Variants in AGBL4 observed in about 807,000 individuals in gnomAD.
AGBL4 encodes the protein AGBL carboxypeptidase 4, also known as cytosolic carboxypeptidase 6.
AGBL4 carries 58 observed loss-of-function variants against 66.4 expected under a neutral mutation model. The ratio of observed to expected loss-of-function variants is 0.87; its 90% CI spans 0.71 to 1.09. The LOEUF is 1.09. AGBL4 is among the 50% of genes least tolerant of loss of function. The probability of loss-of-function intolerance (pLI) is 0.00; values close to 1 mark genes in which losing one functional copy is unlikely to be tolerated. For synonymous variants in AGBL4, 234 were observed against 222.9 expected (o/e 1.05, Z -0.44); for missense variants, 579 against 631.0 (o/e 0.92, Z 0.88).
At chr1:48,791,243 G>C (rs991411822) in intron 6 of AGBL4, among the ~76,000 whole-genome samples, 1 of 152,032 alleles carries the variant, frequency 6.6e-6, no homozygotes, top group Admixed American at 6.5e-5. Flanking sequence ...ATTCATCCTC[G>C]GGCATTAGCT....
intron 3 of AGBL4, among the ~76,000 whole-genome samples, chr1:49,461,302 C>A (rs1646505872): frequency 6.6e-6 from 1 of 151,260 alleles, no homozygotes; most frequent in African/African-American, 2.4e-5. Context: ...ATTTAAAATT[C>A]TTTTTTTGTC....
chr1:48,710,008 C>T (rs991104549), intron 6 of AGBL4, among the ~76,000 whole-genome samples: 1 of 152,122 alleles, frequency 6.6e-6, no homozygotes, highest in Non-Finnish European at 1.5e-5. Flanking sequence ...GGATGAGGAA[C>T]CAGAGGCACA....
intron 6 of AGBL4, among the ~76,000 whole-genome samples, chr1:48,848,506 C>G (rs1027805000): frequency 2.0e-5 from 3 of 152,032 alleles, no homozygotes; most frequent in Non-Finnish European, 4.4e-5. Context: ...TGCATTTGAC[C>G]TTTTTATAGG....
At chr1:48,997,592 T>G (rs1007740929) in intron 5 of AGBL4, among the ~76,000 whole-genome samples, 1 of 152,170 alleles carries the variant, frequency 6.6e-6, no homozygotes, top group African/African-American at 2.4e-5. Flanking sequence ...TGAATCTTCT[T>G]AACTCAAGAG....
At chr1:48,783,108 A>C (rs1645335109) in intron 6 of AGBL4, among the ~76,000 whole-genome samples, 1 of 152,084 alleles carries the variant, frequency 6.6e-6, no homozygotes, top group Non-Finnish European at 1.5e-5. Flanking sequence ...ACATTTTTTA[A>C]ATTTTCCTAT....
intron 1 of AGBL4, among the ~76,000 whole-genome samples, chr1:49,912,972 T>C (rs765786098): frequency 6.6e-6 from 1 of 152,232 alleles, no homozygotes; most frequent in Non-Finnish European, 1.5e-5. Context: ...TGGTCCCCGC[T>C]CTTAACACTG....
At chr1:49,934,860 G>A (rs1203542878) in intron 1 of AGBL4, among the ~76,000 whole-genome samples, 2 of 151,634 alleles carry the variant, frequency 1.3e-5, no homozygotes, top group African/African-American at 2.4e-5. Context: ...CAGCCAAGAT[G>A]GCCGAATAGG....
At chr1:49,584,773 A>G (rs972070768) in intron 3 of AGBL4, among the ~76,000 whole-genome samples, 2 of 152,236 alleles carry the variant, frequency 1.3e-5, no homozygotes, top group African/African-American at 4.8e-5. Context: ...TGCCTTTATC[A>G]GGACTACACT....
At chr1:48,959,259 C>G (rs890729531) in intron 5 of AGBL4, among the ~76,000 whole-genome samples, 14 of 152,108 alleles carry the variant, frequency 9.2e-5, no homozygotes, top group Non-Finnish European at 1.9e-4. Flanking sequence ...CATGGCTTTC[C>G]TGATGAATAA....
chr1:48,898,373 T>A (rs1370996473), intron 5 of AGBL4, among the ~76,000 whole-genome samples: 2 of 152,208 alleles, frequency 1.3e-5, no homozygotes, highest in Non-Finnish European at 2.9e-5. Context: ...AAAGAAAATC[T>A]TTTGCCCAGA....
intron 6 of AGBL4, among the ~76,000 whole-genome samples, chr1:48,671,434 T>C (rs974147598): frequency 2.0e-5 from 3 of 152,196 alleles, no homozygotes; most frequent in Non-Finnish European, 4.4e-5. Context: ...AGGAGAAAGA[T>C]CAAGACTTGT....
At chr1:49,261,459 AG>A (rs1424303664) in intron 3 of AGBL4, among the ~76,000 whole-genome samples, 21 of 152,040 alleles carry the variant, frequency 1.4e-4, no homozygotes, top group African/African-American at 5.1e-4. Flanking sequence ...ACTTCAGCAA[AG>A]TCTCAGGATA....
intron 5 of AGBL4, among the ~76,000 whole-genome samples, chr1:48,942,921 A>G (rs1457255605): frequency 6.6e-6 from 1 of 152,246 alleles, no homozygotes; most frequent in Non-Finnish European, 1.5e-5. Flanking sequence ...CCTGGCATTT[A>G]GATGGTATTG....
chr1:48,912,340 G>A (rs1245587682), intron 5 of AGBL4, among the ~76,000 whole-genome samples: 1 of 152,194 alleles, frequency 6.6e-6, no homozygotes, highest in Non-Finnish European at 1.5e-5. Context: ...ATCCCATTGA[G>A]CACAAGCCAT....
At chr1:49,286,692 A>G (rs956055995) in intron 3 of AGBL4, among the ~76,000 whole-genome samples, 4 of 151,874 alleles carry the variant, frequency 2.6e-5, no homozygotes, top group Admixed American at 2.6e-4. Flanking sequence ...ACTACAAACC[A>G]CTGCTCAAGG....
intron 11 of AGBL4, among the ~76,000 whole-genome samples, chr1:48,548,127 T>C (rs1463056434): frequency 2.0e-5 from 3 of 152,124 alleles, no homozygotes; most frequent in Non-Finnish European, 2.9e-5. Context: ...ATTCTAGCTA[T>C]GGGAAACAAG....
chr1:49,678,470 G>A (rs922301107), intron 3 of AGBL4, among the ~76,000 whole-genome samples: 6 of 151,890 alleles, frequency 4.0e-5, no homozygotes, highest in South Asian at 4.2e-4. Flanking sequence ...TGATTACTCC[G>A]ATTATTATTT....
At chr1:48,541,979 T>C (rs1433895562) in intron 11 of AGBL4, among the ~76,000 whole-genome samples, 2 of 152,254 alleles carry the variant, frequency 1.3e-5, no homozygotes, top group East Asian at 3.9e-4. Context: ...CTCCTAATGC[T>C]ATCCCTCCCC....
chr1:48,810,390 G>A (rs553147359), intron 6 of AGBL4, among the ~76,000 whole-genome samples: 1 of 152,304 alleles, frequency 6.6e-6, no homozygotes, highest in Non-Finnish European at 1.5e-5. Flanking sequence ...TGATTGATGT[G>A]GATAAGGGAT....
Sources: gnomAD v4.1 joint callset for allele counts (sites outside exome capture counted in the v4.1 genomes callset) on GRCh38, gnomAD v4.1.1 for gene constraint, MANE v1.5 for transcripts, NCBI Gene and HGNC (gene_info 2026-07-23, HGNC 2026-07-21) for gene names.